The following ROR2 variants were observed in gnomAD, a reference collection of about 807,000 sequenced individuals.
ROR2 encodes the protein ROR family WNT receptor 2.
In ROR2, 33 loss-of-function variants were observed where a neutral mutation model predicts 74.9. The observed-to-expected ratio is 0.44, with a 90% CI of 0.33 to 0.59. The LOEUF is 0.59. Ranked by LOEUF, ROR2 falls within the 20% of genes least tolerant of loss-of-function variation. The pLI is 0.02. For missense variants in ROR2, 1,216 were observed against 1,313.8 expected, an observed-to-expected ratio of 0.93 and a Z score of 1.15; for synonymous variants, 586 against 558.7, an observed-to-expected ratio of 1.05 and a Z score of -0.69.
At chr9:91,941,847 G>A (rs1416363086) in intron 1 of ROR2, among the ~76,000 whole-genome samples, 1 of 149,576 alleles carries the variant, frequency 6.7e-6, no homozygotes, top group East Asian at 2.0e-4. Flanking sequence ...CTGGAGTGTA[G>A]TGGCACGATC....
intron 1 of ROR2, among the ~76,000 whole-genome samples, chr9:91,872,328 G>A (rs1211556464): frequency 6.6e-6 from 1 of 152,124 alleles, no homozygotes; most frequent in African/African-American, 2.4e-5. Flanking sequence ...TCGTCCTGGG[G>A]TGCATCTCGT....
At chr9:91,810,178 G>A (rs188288829) in intron 1 of ROR2, among the ~76,000 whole-genome samples, 9 of 152,310 alleles carry the variant, frequency 5.9e-5, no homozygotes, top group Middle Eastern at 6.8e-3. Flanking sequence ...CTACGGTGGC[G>A]ACAGAATCAG....
intron 7 of ROR2, among the ~76,000 whole-genome samples, chr9:91,727,060 G>T (rs977628252): frequency 1.3e-5 from 2 of 152,208 alleles, no homozygotes; most frequent in African/African-American, 4.8e-5. Context: ...CCTGATGTTT[G>T]AATACCATCG....
chr9:91,797,798 T>C (rs1587728188), intron 1 of ROR2, among the ~76,000 whole-genome samples: 1 of 37,124 alleles, frequency 2.7e-5, no homozygotes, highest in Non-Finnish European at 4.6e-5. Context: ...GCTCTGTGGG[T>C]GGGGCTGACA....
chr9:91,848,736 CAG>C lies in ROR2; in HGVS notation c.98-72920_98-72919del, dbSNP rs577314299. On this transcript the variant is annotated intron_variant, in intron 1 of 8. Coordinates refer to ENST00000375708, the MANE Select transcript of ROR2 (RefSeq NM_004560.4). ...CTCCATTGCACTCCAGGCTGGGCGA[CAG>C]AGTGAGACTCCGTCTCAGGGGGGAA... 4.4e-4 allele frequency among the ~76,000 whole-genome samples: 58 copies of C among 132,166 alleles called. 1 individual carries two copies. The East Asian group carries it at 0.011, about 26-fold the overall frequency. The allele number at this position is 132,166 out of a possible 152,430, so 86.7% of individuals were successfully genotyped here.
chr9:91,749,318 A>C (rs1397724351), intron 4 of ROR2, among the ~76,000 whole-genome samples: 1 of 152,238 alleles, frequency 6.6e-6, no homozygotes, highest in Non-Finnish European at 1.5e-5. Context: ...GGAGGCTGGA[A>C]GTCCAACATC....
intron 1 of ROR2, among the ~76,000 whole-genome samples, chr9:91,802,072 T>G (rs981132258): frequency 5.7e-5 from 7 of 123,440 alleles, no homozygotes; most frequent in Admixed American, 2.3e-4. Flanking sequence ...AAGGTGTTTT[T>G]TTTTTTTTTT....
intron 4 of ROR2, among the ~76,000 whole-genome samples, chr9:91,748,630 T>C (rs1825506203): frequency 6.6e-6 from 1 of 152,222 alleles, no homozygotes. Flanking sequence ...AAATAAAATT[T>C]GGGAGAGAAA....
chr9:91,881,655 T>C (rs1016807850), intron 1 of ROR2, among the ~76,000 whole-genome samples: 2 of 152,136 alleles, frequency 1.3e-5, no homozygotes, highest in African/African-American at 4.8e-5. Flanking sequence ...CTGACATACA[T>C]GTATTAATTT....
intron 1 of ROR2, among the ~76,000 whole-genome samples, chr9:91,842,302 A>G (rs1184774050): frequency 6.6e-6 from 1 of 152,208 alleles, no homozygotes; most frequent in Non-Finnish European, 1.5e-5. Context: ...CCTGATTACT[A>G]TTACTGCTGT....
chr9:91,780,391 G>C (rs376574787), intron 1 of ROR2, among the ~76,000 whole-genome samples: 12 of 129,598 alleles, frequency 9.3e-5, no homozygotes, highest in Non-Finnish European at 1.7e-4. Context: ...AAAAATGAAA[G>C]AAAGAAAGAA....
chr9:91,904,185 C>A (rs966787130), intron 1 of ROR2, among the ~76,000 whole-genome samples: 1 of 152,020 alleles, frequency 6.6e-6, no homozygotes, highest in African/African-American at 2.4e-5. Context: ...GGATTACAGG[C>A]ATGCACCACC....
At chr9:91,811,283 G>A (rs771699992) in intron 1 of ROR2, among the ~76,000 whole-genome samples, 6 of 152,220 alleles carry the variant, frequency 3.9e-5, no homozygotes, top group Admixed American at 1.3e-4. Context: ...CAGACTGCAC[G>A]GGAACCACGG....
intron 1 of ROR2, among the ~76,000 whole-genome samples, chr9:91,917,757 G>C (rs1208522364): frequency 6.6e-6 from 1 of 152,174 alleles, no homozygotes; most frequent in African/African-American, 2.4e-5. Flanking sequence ...AGAGCATCTG[G>C]ACAAGTGAGC....
intron 4 of ROR2, among the ~76,000 whole-genome samples, chr9:91,743,920 G>A (rs539368533): frequency 6.6e-6 from 1 of 152,308 alleles, no homozygotes; most frequent in South Asian, 2.1e-4. Context: ...AATGTTCATG[G>A]CTTTATTTAT....
chr9:91,924,448 T>C (rs1831345971), intron 1 of ROR2, among the ~76,000 whole-genome samples: 1 of 152,334 alleles, frequency 6.6e-6, no homozygotes, highest in African/African-American at 2.4e-5. Flanking sequence ...AGCCAGTGGA[T>C]CTCAACTTTT....
chr9:91,761,169 C>T (rs879791336), intron 2 of ROR2, among the ~76,000 whole-genome samples: 2 of 152,156 alleles, frequency 1.3e-5, no homozygotes, highest in Non-Finnish European at 2.9e-5. Flanking sequence ...CTGCTTTCCT[C>T]AAACCTTGCC....
chr9:91,725,199 C>A, intron 8 of ROR2, 92 bp from the exon 9 acceptor site: 3 of 1,597,324 alleles, frequency 1.9e-6, no homozygotes, highest in Non-Finnish European at 8.5e-7. Flanking sequence ...AGTCCCTGTG[C>A]GGCCACGACT....
At chr9:91,736,676 C>T (rs1825036725) in intron 5 of ROR2, among the ~76,000 whole-genome samples, 1 of 152,190 alleles carries the variant, frequency 6.6e-6, no homozygotes, top group Non-Finnish European at 1.5e-5. Flanking sequence ...TCTTCCTTTC[C>T]AAGGCCTTTC....
Sources: gnomAD v4.1 joint callset for allele counts (sites outside exome capture counted in the v4.1 genomes callset) on GRCh38, gnomAD v4.1.1 for gene constraint, MANE v1.5 for transcripts, NCBI Gene and HGNC (gene_info 2026-07-23, HGNC 2026-07-21) for gene names.